The following APC variants were observed in gnomAD, a reference collection of about 807,000 sequenced individuals.
APC encodes the protein APC regulator of Wnt signaling pathway, also known as adenomatous polyposis coli protein.
In APC, 72 loss-of-function variants were observed where a neutral mutation model predicts 247.0. The ratio of observed to expected loss-of-function variants is 0.29; its 90% CI spans 0.24 to 0.35. The LOEUF (loss-of-function observed/expected upper bound fraction) is 0.35. APC is among the 10% of genes least tolerant of loss of function. The pLI is 1.00. For missense variants in APC, 3,400 were observed against 3,360.7 expected (o/e 1.01, Z -0.29); for synonymous variants, 1,254 against 1,162.5 (o/e 1.08, Z -1.60).
At chr5:112,784,969 T>C (rs1353544899) in intron 6 of APC, among the ~76,000 whole-genome samples, 1 of 151,956 alleles carries the variant, frequency 6.6e-6, no homozygotes, top group African/African-American at 2.4e-5. Flanking sequence ...AATGCTGAGG[T>C]GGTAGGATTG....
chr5:112,811,424 G>A (rs1761970635), intron 8 of APC, among the ~76,000 whole-genome samples: 2 of 152,180 alleles, frequency 1.3e-5, no homozygotes, highest in East Asian at 1.9e-4. Context: ...TAGTCCCTCC[G>A]AAAGAAGTTG....
upstream of APC, among the ~76,000 whole-genome samples, chr5:112,736,211 A>C (rs1353537827): frequency 6.6e-6 from 1 of 152,246 alleles, no homozygotes; most frequent in Non-Finnish European, 1.5e-5. Context: ...CTCAAAAGAG[A>C]GTTATTTAGA....
rs1580681496 is a variant in APC, at chr5:112,842,946, C to A, written c.7352C>A (p.Thr2451Asn). 1 of 1,613,862 alleles carries A rather than the reference C, an allele frequency of 6.2e-7. No homozygotes were observed. Among genetic ancestry groups the A allele is most frequent in the African/African-American group, 1.3e-5 (1 of 74,896 alleles). Reference sequence around the variant, plus strand: ...TTCATCAAAGAAGCTCCAAGCCCAACCTTAAGAAGAAAATTGGAGGAATCT... The same window carrying A: ...TTCATCAAAGAAGCTCCAAGCCCAAACTTAAGAAGAAAATTGGAGGAATCT... Reference protein sequence around the residue: ...STFIKEAPSPTLRRKLEESAS... With the variant: ...STFIKEAPSPNLRRKLEESAS... Residue 2451 changes from threonine to asparagine, a missense_variant, in exon 16 of 16, where the codon ACC (threonine) becomes AAC (asparagine). Thr to Asn is a moderately conservative substitution (Grantham distance 65). This residue lies in a region of APC where 1,788 missense variants were observed against 1,649.5 expected (regional missense o/e 1.08). Transcript: ENST00000257430.
rs1165139414 is a variant in APC, at chr5:112,837,950, C to G, written c.2356C>G (p.Arg786Gly). 1 of 1,614,034 alleles carries G rather than the reference C, an allele frequency of 6.2e-7. No homozygotes were observed. The highest frequency in any genetic ancestry group is 1.7e-4 in the Middle Eastern group (1 of 6,060). Residue 786 changes from arginine to glycine, a missense_variant, in exon 16 of 16, where the codon CGT becomes GGT. By Grantham distance (125) the Arg-to-Gly change is moderately radical. This residue lies in a region of APC where 91 missense variants were observed against 103.3 expected (regional missense o/e 0.88). Coordinates refer to ENST00000257430, the MANE Select transcript of APC (RefSeq NM_000038.6). Reference sequence around the variant, plus strand: ...CAATTTAAGTCCCAAGGCATCTCATCGTAGTAAGCAGAGACACAAGCAAAG... The same window carrying G: ...CAATTTAAGTCCCAAGGCATCTCATGGTAGTAAGCAGAGACACAAGCAAAG... ...IDNLSPKASH[R>G]SKQRHKQSLY...
At chr5:112,751,154 T>G (rs764688614) in intron 1 of APC, among the ~76,000 whole-genome samples, 2 of 152,110 alleles carry the variant, frequency 1.3e-5, no homozygotes, top group Non-Finnish European at 2.9e-5. Flanking sequence ...ACAGAGAGTT[T>G]CTATATACCT....
At chr5:112,743,206 T>C (rs928098695) in intron 1 of APC, among the ~76,000 whole-genome samples, 1 of 152,230 alleles carries the variant, frequency 6.6e-6, no homozygotes, top group South Asian at 2.1e-4. Flanking sequence ...TTGTCACATA[T>C]TCTTCTCTGA....
chr5:112,842,417 A>C lies in APC; in HGVS notation c.6823A>C (p.Lys2275Gln), dbSNP rs2149974065. The change falls in exon 16 of 16, where the codon AAG becomes CAG. Residue 2275 changes from lysine (K) to glutamine (Q), a missense_variant. Physicochemically the swap from Lys to Gln is moderately conservative, Grantham distance 53. This residue lies in a region of APC where 1,788 missense variants were observed against 1,649.5 expected (regional missense o/e 1.08). Transcript: ENST00000257430. ...AGCCACCACTTCTCCTAGAGGAGCC[A>C]AGCCATCTGTGAAATCAGAATTAAG... ...QTATTSPRGA[K>Q]PSVKSELSPV... The C allele has an allele frequency of 6.2e-7, 1 of 1,614,098 alleles. No individual in the cohort carries two copies. Among genetic ancestry groups the C allele is most frequent in the Non-Finnish European group, 8.5e-7 (1 of 1,179,958 alleles).
At chr5:112,786,565 G>T (rs939040577) in intron 6 of APC, among the ~76,000 whole-genome samples, 1 of 152,132 alleles carries the variant, frequency 6.6e-6, no homozygotes, top group African/African-American at 2.4e-5. Flanking sequence ...GGAATTGGTG[G>T]GGTGAAGGTG....
chr5:112,766,496 G>A (rs191456805), intron 3 of APC, 86 bp downstream of exon 3: 27 of 817,238 alleles, frequency 3.3e-5, no homozygotes, highest in African/African-American at 3.2e-4. Context: ...AGCTTCTCTC[G>A]ATTTGGGTGT....
chr5:112,744,294 C>G (rs1753388645), intron 1 of APC, among the ~76,000 whole-genome samples: 1 of 152,182 alleles, frequency 6.6e-6, no homozygotes, highest in South Asian at 2.1e-4. Context: ...CTTGGACATT[C>G]TCTGAACTTG....
intron 1 of APC, among the ~76,000 whole-genome samples, chr5:112,749,707 G>T (rs953295964): frequency 6.6e-6 from 1 of 151,322 alleles, no homozygotes; most frequent in African/African-American, 2.4e-5. Context: ...AGATGGTCTC[G>T]ATCTCCTGAC....
upstream of APC, among the ~76,000 whole-genome samples, chr5:112,733,678 G>A (rs1752208937): frequency 6.6e-6 from 1 of 152,188 alleles, no homozygotes; most frequent in African/African-American, 2.4e-5. Flanking sequence ...CTACAAAACT[G>A]TAAGTTATCA....
chr5:112,839,830 A>T lies in APC; in HGVS notation c.4236A>T (p.Gly1412=), dbSNP rs2149909671. 1 of 1,614,020 alleles carries T rather than the reference A, an allele frequency of 6.2e-7. No homozygotes were observed. Among genetic ancestry groups the T allele is most frequent in the Non-Finnish European group, 8.5e-7 (1 of 1,180,008 alleles). The change falls in exon 16 of 16, where the codon GGA becomes GGT. Residue 1412 remains glycine, a synonymous_variant. Coordinates refer to ENST00000257430, the MANE Select transcript of APC (RefSeq NM_000038.6). This position sits in a 1 kb window ranked among gnomAD's most constrained non-coding sequence, Gnocchi z 5.0. ...CCGTTCAGAGTGAACCATGCAGTGG[A>T]ATGGTAAGTGGCATTATAAGCCCCA... is the stretch of plus-strand genomic sequence containing the variant. ...ASSVQSEPCS[G]MVSGIISPSD... is the part of the protein sequence containing the mutation.
intron 9 of APC, among the ~76,000 whole-genome samples, chr5:112,817,559 C>G (rs1056122220): frequency 6.6e-6 from 1 of 152,160 alleles, no homozygotes; most frequent in African/African-American, 2.4e-5. Flanking sequence ...AATTCCAGAT[C>G]TGTCTAACCT....
chr5:112,808,574 A>G (rs994917714), intron 8 of APC, among the ~76,000 whole-genome samples: 3 of 152,038 alleles, frequency 2.0e-5, no homozygotes, highest in Admixed American at 6.6e-5. Context: ...AGCTGGTGCT[A>G]TAGGCACTCA....
chr5:112,754,307 C>T (rs367914364), intron 1 of APC, among the ~76,000 whole-genome samples: 35 of 152,192 alleles, frequency 2.3e-4, no homozygotes, highest in African/African-American at 8.0e-4. Context: ...TGCTCTCCTT[C>T]ATGTCCATTT....
intron 1 of APC, among the ~76,000 whole-genome samples, chr5:112,746,162 A>G (rs756558440): frequency 2.0e-5 from 3 of 152,186 alleles, no homozygotes; most frequent in Non-Finnish European, 2.9e-5. Context: ...CTAGTGAACT[A>G]TTAATGAATA....
Position 112,844,141 on chromosome 5 carries a change from G to A in APC, c.*15G>A. 6.3e-7 allele frequency: 1 copy of A among 1,596,680 alleles called. No homozygotes were observed. The highest frequency in any genetic ancestry group is 8.6e-7 in the Non-Finnish European group (1 of 1,164,780). ...CATCTGTTTAAAAGAGAGGAAGAAT[G>A]AAACTAAGAAAATTCTATGTTAATT... On this transcript the variant is annotated 3_prime_UTR_variant, in exon 16 of 16. Coordinates refer to ENST00000257430, the MANE Select transcript of APC (RefSeq NM_000038.6).
rs755172430 is a variant in APC, at chr5:112,792,405, T to A, written c.646-41T>A. 28 of 1,333,514 alleles carry A rather than the reference T, an allele frequency of 2.1e-5. No individual in the cohort carries two copies. 82.6% of individuals were successfully genotyped at this position (1,333,514 alleles called of 1,614,324 possible). On this transcript the variant is annotated intron_variant, in intron 6 of 15. Coordinates refer to ENST00000257430, the MANE Select transcript of APC (RefSeq NM_000038.6). Reference sequence around the variant, plus strand: ...GTATGATTATTTCTATTAATATTATTAATAAAAACATAACTAATTAGGTTT... The same window carrying A: ...GTATGATTATTTCTATTAATATTATAAATAAAAACATAACTAATTAGGTTT...
Sources: allele counts gnomAD v4.1 joint callset (sites outside exome capture counted in the v4.1 genomes callset), GRCh38; gene constraint gnomAD v4.1.1; regional missense constraint gnomAD v4.1.1; non-coding constraint Gnocchi (gnomAD v3.1); transcripts MANE v1.5; gene names NCBI Gene and HGNC (gene_info 2026-07-23, HGNC 2026-07-21).